CNGA3: variants seen among roughly 807,000 people sequenced by gnomAD.
The protein encoded by CNGA3 is cyclic nucleotide gated channel subunit alpha 3.
Under a neutral mutation model 46.6 loss-of-function variants are expected in CNGA3, and 42 were observed. That is an observed-to-expected ratio of 0.90 (90% CI 0.70 to 1.17). CNGA3 has a LOEUF of 1.17. CNGA3 is among the 50% of genes most tolerant of loss of function. The pLI, the probability that CNGA3 is intolerant of heterozygous loss-of-function variation, is 0.00. For synonymous variants in CNGA3, 394 were observed against 369.4 expected (o/e 1.07, Z -0.76); for missense variants, 893 against 890.7 (o/e 1.00, Z -0.03).
At chr2:98,346,660 C>T in intron 1 of CNGA3, 126 bp downstream of exon 1, 1 of 391,544 alleles carries the variant, frequency 2.6e-6, no homozygotes, top group Non-Finnish European at 4.5e-6. Context: ...GCTGCTGCTT[C>T]CAGGGGCGGG....
Position 98,396,869 on chromosome 2 carries a change from A to G in CNGA3, c.1699A>G (p.Asn567Asp). The change falls in exon 8 of 8, where the codon AAC (asparagine) becomes GAC (aspartate). Residue 567 changes from asparagine to aspartate, a missense_variant. By Grantham distance (23) the Asn-to-Asp change is conservative. Around this residue, in one of 3 missense-constraint regions of CNGA3, gnomAD observed 548 missense variants for 570.8 expected, o/e 0.96. Transcript: ENST00000272602. ...CAAGTCGGGGAACCGCAGGACGGCC[A>G]ACATCCGCAGCATTGGCTACTCAGA... Reference protein sequence around the residue: ...GSKSGNRRTANIRSIGYSDLF... With the variant: ...GSKSGNRRTADIRSIGYSDLF... 6.2e-7 allele frequency: 1 copy of G among 1,614,166 alleles called. No homozygotes were observed. The highest frequency in any genetic ancestry group is 8.5e-7 in the Non-Finnish European group (1 of 1,180,034).
At chr2:98,378,894 C>T (rs962578221) in intron 3 of CNGA3, among the ~76,000 whole-genome samples, 8 of 152,220 alleles carry the variant, frequency 5.3e-5, no homozygotes, top group African/African-American at 1.9e-4. Flanking sequence ...CTGCATGTCC[C>T]CTCCATTCTG....
At chr2:98,376,074 T>C (rs1274948353) in intron 2 of CNGA3, among the ~76,000 whole-genome samples, 1 of 151,984 alleles carries the variant, frequency 6.6e-6, no homozygotes, top group Admixed American at 6.5e-5. Flanking sequence ...TTCCAAAACA[T>C]CGAGTTACTC....
At chr2:98,380,708 G>A (rs186078793) in intron 4 of CNGA3, among the ~76,000 whole-genome samples, 142 of 152,240 alleles carry the variant, frequency 9.3e-4, no homozygotes, top group Non-Finnish European at 1.5e-3. Flanking sequence ...AAGGACCCCC[G>A]TCCTAGACTC....
At chr2:98,366,171 G>C (rs933083835) in intron 1 of CNGA3, among the ~76,000 whole-genome samples, 2 of 152,190 alleles carry the variant, frequency 1.3e-5, no homozygotes, top group Non-Finnish European at 2.9e-5. Flanking sequence ...GCTGCAGTTT[G>C]CTGGGGATCC....
chr2:98,391,809 GT>G (rs1420559117), intron 6 of CNGA3, 54 bp from the exon 7 acceptor site: 48 of 1,567,646 alleles, frequency 3.1e-5, no homozygotes, highest in Non-Finnish European at 4.0e-5. Context: ...CAGGTGGGTG[GT>G]CCACGCTCCA....
chr2:98,377,595 A>G, intron 2 of CNGA3, 92 bp from the exon 3 acceptor site: 4 of 1,273,386 alleles, frequency 3.1e-6, no homozygotes, highest in Non-Finnish European at 4.5e-6. Flanking sequence ...TTTCCCTGCT[A>G]AGCAGAACAT....
rs751611132 is a variant in CNGA3, at chr2:98,367,167, G to GTTTATTTTCTTTTTTTTTTTTTTTTT, written c.-37-2769_-37-2768insATTTTCTTTTTTTTTTTTTTTTTTTT. Among the ~76,000 whole-genome samples the GTTTATTTTCTTTTTTTTTTTTTTTTT allele has an allele frequency of 3.1e-4, 32 of 101,620 alleles. 3 individuals are homozygous for GTTTATTTTCTTTTTTTTTTTTTTTTT. The highest frequency in any genetic ancestry group is 9.0e-4 in the African/African-American group (27 of 29,938). The allele number at this position is 101,620 out of a possible 152,430, so 66.7% of individuals were successfully genotyped here. The stretch of plus-strand genomic sequence containing the variant: ...TTGGTGAGAACCTCTGACATCAGCT[G>GTTTATTTTCTTTTTTTTTTTTTTTTT]TTTTTTTTCTTTTTTTTCTTTTTTT... On this transcript the variant is annotated intron_variant, in intron 1 of 7. Coordinates refer to ENST00000272602, the MANE Select transcript of CNGA3 (RefSeq NM_001298.3).
intron 6 of CNGA3, among the ~76,000 whole-genome samples, chr2:98,391,473 C>T (rs796752971): frequency 2.6e-5 from 4 of 152,272 alleles, no homozygotes; most frequent in African/African-American, 9.6e-5. Flanking sequence ...ACTGTCTGTT[C>T]CATTGTTAAT....
At chr2:98,378,145 G>A (rs1014569097) in intron 3 of CNGA3, 17 of 1,550,672 alleles carry the variant, frequency 1.1e-5, no homozygotes, top group Middle Eastern at 1.7e-4. Flanking sequence ...GGACACAGTG[G>A]TGTGCTGAGG....
At chr2:98,378,256 A>G (rs1692457548) in intron 3 of CNGA3, 1 of 1,531,576 alleles carries the variant, frequency 6.5e-7, no homozygotes, top group South Asian at 1.2e-5. Flanking sequence ...TGTTTGCAAG[A>G]TTAGTGAGAC....
At chr2:98,381,488 G>C (rs991170849) in intron 4 of CNGA3, among the ~76,000 whole-genome samples, 2 of 152,144 alleles carry the variant, frequency 1.3e-5, no homozygotes, top group Non-Finnish European at 2.9e-5. Context: ...TGGCTCTTTC[G>C]GGAACGTCCA....
In CNGA3 at chr2:98,397,152, G is replaced by A. The variant is rs144715956; in HGVS notation, c.1982G>A (p.Arg661His). The A allele has an allele frequency of 2.6e-5, 42 of 1,613,984 alleles. No homozygotes were observed. Among genetic ancestry groups the A allele is most frequent in the African/African-American group, 1.2e-4 (9 of 74,918 alleles). Residue 661 changes from arginine (R) to histidine (H), a missense_variant, in exon 8 of 8, where the codon CGT (arginine) becomes CAT (histidine). Around this residue, in one of 3 missense-constraint regions of CNGA3, gnomAD observed 548 missense variants for 570.8 expected, o/e 0.96. Transcript: ENST00000272602. ...YNATQMKMKQ[R>H]LSQLESQVKG... ...GCCACCCAGATGAAGATGAAGCAGC[G>A]TCTCAGCCAACTGGAAAGCCAGGTG... is the stretch of plus-strand genomic sequence containing the variant.
rs927179911 is a variant in CNGA3, at chr2:98,389,699, C to T, written c.491C>T (p.Ser164Phe). 1 of 1,613,848 alleles carries T rather than the reference C, an allele frequency of 6.2e-7. No homozygotes were observed. The highest frequency in any genetic ancestry group is 8.5e-7 in the Non-Finnish European group (1 of 1,180,034). ...AAGGATGCGATCGTGGTGGACCCGTCCAGCAACCTGTACTACCGCTGGCTG... is the reference window on the plus strand; with the variant it reads ...AAGGATGCGATCGTGGTGGACCCGTTCAGCAACCTGTACTACCGCTGGCTG... ...KKKDAIVVDP[S>F]SNLYYRWLTA... The change falls in exon 6 of 8, where the codon TCC becomes TTC. Residue 164 changes from serine to phenylalanine, a missense_variant. Transcript: ENST00000272602.
chr2:98,388,675 G>A (rs1692715855), intron 5 of CNGA3, among the ~76,000 whole-genome samples: 1 of 152,112 alleles, frequency 6.6e-6, no homozygotes, highest in Non-Finnish European at 1.5e-5. Context: ...CCCCCCACCC[G>A]AAGCATTTCG....
intron 6 of CNGA3, among the ~76,000 whole-genome samples, chr2:98,390,387 G>A (rs1261197676): frequency 6.6e-6 from 1 of 151,852 alleles, no homozygotes; most frequent in Non-Finnish European, 1.5e-5. Context: ...CACCTCAAAT[G>A]ATCTGCCCAC....
chr2:98,379,580 G>A (rs1055257019), intron 3 of CNGA3, among the ~76,000 whole-genome samples: 3 of 152,184 alleles, frequency 2.0e-5, no homozygotes, highest in Non-Finnish European at 4.4e-5. Flanking sequence ...AGGGCCCAGG[G>A]CAAGTTGCAA....
At chr2:98,380,440 C>T in intron 4 of CNGA3, 86 bp downstream of exon 4, 1 of 1,488,474 alleles carries the variant, frequency 6.7e-7, no homozygotes, top group Non-Finnish European at 9.2e-7. Context: ...TGTTTGGATG[C>T]AGCACAGGTG....
chr2:98,352,304 C>T (rs369278878), intron 1 of CNGA3, among the ~76,000 whole-genome samples: 5 of 152,130 alleles, frequency 3.3e-5, no homozygotes, highest in Admixed American at 6.5e-5. Flanking sequence ...AAATGATTGT[C>T]GTTTCCACTT....
Sources: allele counts gnomAD v4.1 joint callset (sites outside exome capture counted in the v4.1 genomes callset), GRCh38; gene constraint gnomAD v4.1.1; regional missense constraint gnomAD v4.1.1; transcripts MANE v1.5; gene names NCBI Gene and HGNC (gene_info 2026-07-23, HGNC 2026-07-21).